Variants in ARHGAP5 observed in about 807,000 individuals in gnomAD.
ARHGAP5 encodes Rho GTPase activating protein 5.
A neutral mutation model predicts 116.6 loss-of-function variants in ARHGAP5; 23 were observed. The observed-to-expected ratio is 0.20, with a 90% CI of 0.14 to 0.28. The LOEUF is 0.28. Among genes scored for constraint, ARHGAP5 ranks in the 10% least tolerant of loss-of-function variants. The pLI is 1.00. For synonymous variants in ARHGAP5, 574 were observed against 602.0 expected (o/e 0.95, Z 0.68); for missense variants, 1,405 against 1,774.8 (o/e 0.79, Z 3.74).
intron 3 of ARHGAP5, among the ~76,000 whole-genome samples, chr14:32,130,579 C>T (rs771848361): frequency 2.0e-5 from 3 of 151,792 alleles, no homozygotes; most frequent in South Asian, 2.1e-4. Flanking sequence ...CTCGCTTTGT[C>T]GCCCAGTCTG....
chr14:32,137,021 A>T (rs1566680276), intron 3 of ARHGAP5, among the ~76,000 whole-genome samples: 1 of 151,706 alleles, frequency 6.6e-6, no homozygotes, highest in Non-Finnish European at 1.5e-5. Flanking sequence ...CCCATTCTGT[A>T]GGTTGTCTTT....
At position 32,154,927 on chromosome 14, in the gene ARHGAP5, G is replaced by A. The variant is rs751714464; in HGVS notation, c.4488G>A (p.Thr1496=). The change falls in exon 7 of 7, where the codon ACG becomes ACA. Residue 1496 remains threonine (T), a synonymous_variant. Transcript: ENST00000345122. ...QPQLIQPQLQ[T]DPLGII ...AGCTGATACAACCACAATTACAAAC[G>A]GATCCTCTTGGTATTATATGAGTAG... 41 of 1,613,380 alleles carry A rather than the reference G, an allele frequency of 2.5e-5. No homozygotes were observed. Among genetic ancestry groups the A allele is most frequent in the Admixed American group, 6.7e-5 (4 of 59,976 alleles).
intron 3 of ARHGAP5, among the ~76,000 whole-genome samples, chr14:32,120,786 T>C (rs1470561477): frequency 2.6e-5 from 4 of 152,074 alleles, no homozygotes; most frequent in South Asian, 2.1e-4. Context: ...TTTATTATAG[T>C]GTGAAGGGTT....
Position 32,091,194 on chromosome 14 carries a change from T to A in ARHGAP5, c.525T>A (p.Asp175Glu). ...VSQGCNRKFD[D>E]QLKFVNNLFV... ...AAGGATGCAATAGGAAGTTTGATGA[T>A]CAACTTAAATTTGTGAATAACCTTT... The change falls in exon 2 of 7, where the codon GAT becomes GAA. Residue 175 changes from aspartate (D) to glutamate (E), a missense_variant. By Grantham distance (45) the Asp-to-Glu change is conservative. Coordinates refer to ENST00000345122, the MANE Select transcript of ARHGAP5 (RefSeq NM_001030055.2). The A allele has an allele frequency of 6.2e-7, 1 of 1,613,326 alleles. No individual in the cohort carries two copies. The highest frequency in any genetic ancestry group is 8.5e-7 in the Non-Finnish European group (1 of 1,179,584).
chr14:32,097,724 G>A lies in ARHGAP5; in HGVS notation c.3717+3338G>A, dbSNP rs142488541. 4.0e-3 allele frequency among the ~76,000 whole-genome samples: 612 copies of A among 152,214 alleles called. 7 individuals carry two copies. The highest frequency in any genetic ancestry group is 0.014 in the African/African-American group (600 of 41,568). ...TCAATGTAAAGGCCAAAAAGGATTAGTATTACTAAAGTAGTATTTATCTAC... is the reference window on the plus strand; with the variant it reads ...TCAATGTAAAGGCCAAAAAGGATTAATATTACTAAAGTAGTATTTATCTAC... On this transcript the variant is annotated intron_variant, in intron 2 of 6. Transcript: ENST00000345122.
intron 1 of ARHGAP5, among the ~76,000 whole-genome samples, chr14:32,084,643 A>G (rs2041810899): frequency 2.0e-5 from 3 of 152,166 alleles, no homozygotes; most frequent in Non-Finnish European, 4.4e-5. Flanking sequence ...CACCACGTAA[A>G]TTGTTCAAAT....
intron 1 of ARHGAP5, 65 bp downstream of exon 1, chr14:32,077,500 C>T: frequency 3.0e-6 from 2 of 671,114 alleles, no homozygotes; most frequent in Non-Finnish European, 5.4e-6. Context: ...GACCCTCCTG[C>T]GGCTAGCTGC....
chr14:32,132,134 G>A (rs2139106428), intron 3 of ARHGAP5, among the ~76,000 whole-genome samples: 1 of 152,176 alleles, frequency 6.6e-6, no homozygotes, highest in Admixed American at 6.5e-5. Flanking sequence ...GGTATTTCTA[G>A]TTCTAGATCC....
At chr14:32,110,938 A>G (rs186014214) in intron 2 of ARHGAP5, among the ~76,000 whole-genome samples, 2 of 152,364 alleles carry the variant, frequency 1.3e-5, no homozygotes, top group Non-Finnish European at 1.5e-5. Flanking sequence ...GGCTGCAGAT[A>G]GATTACATTT....
At chr14:32,113,034 A>G (rs1402870052) in intron 2 of ARHGAP5, among the ~76,000 whole-genome samples, 1 of 152,198 alleles carries the variant, frequency 6.6e-6, no homozygotes, top group Non-Finnish European at 1.5e-5. Context: ...CTTTGATGGC[A>G]TTTTATAGCA....
chr14:32,135,602 T>G lies in ARHGAP5; in HGVS notation c.3866-10661T>G, dbSNP rs551448037. On this transcript the variant is annotated intron_variant, in intron 3 of 6. Coordinates refer to ENST00000345122, the MANE Select transcript of ARHGAP5 (RefSeq NM_001030055.2). ...CACACCCAGCTAATTTTTGTATTTT[T>G]AGTAGAGACAGGGTTTCACCATGTT... 5.3e-5 allele frequency among the ~76,000 whole-genome samples: 8 copies of G among 152,336 alleles called. No individual in the cohort carries two copies. In the East Asian group the frequency reaches 1.5e-3, roughly 29 times the overall value.
chr14:32,118,887 T>C (rs1483676242), intron 3 of ARHGAP5, among the ~76,000 whole-genome samples: 1 of 152,188 alleles, frequency 6.6e-6, no homozygotes, highest in East Asian at 1.9e-4. Context: ...TTAAAATTTC[T>C]ATTTCTTGAA....
At chr14:32,094,537 G>A (rs1281815837) in intron 2 of ARHGAP5, 151 bp downstream of exon 2, 1 of 539,570 alleles carries the variant, frequency 1.9e-6, no homozygotes, top group Non-Finnish European at 3.0e-6. Flanking sequence ...GTGGGGATAA[G>A]TGATTTTTTG....
At chr14:32,129,973 G>A (rs540822963) in intron 3 of ARHGAP5, among the ~76,000 whole-genome samples, 206 of 152,184 alleles carry the variant, frequency 1.4e-3, no homozygotes, top group African/African-American at 4.7e-3. Flanking sequence ...AGCCAAGGAA[G>A]GATTGCCTGA....
chr14:32,107,027 G>T (rs1879051984), intron 2 of ARHGAP5, among the ~76,000 whole-genome samples: 1 of 152,050 alleles, frequency 6.6e-6, no homozygotes, highest in South Asian at 2.1e-4. Context: ...TAGTTATTTT[G>T]ACATTTAATC....
At chr14:32,131,362 GAT>G (rs1340305709) in intron 3 of ARHGAP5, among the ~76,000 whole-genome samples, 1 of 149,036 alleles carries the variant, frequency 6.7e-6, no homozygotes, top group Admixed American at 6.8e-5. Context: ...TGTATTAAAA[GAT>G]ACATAACGTA....
At chr14:32,151,092 G>GTA (rs1389670508) in intron 5 of ARHGAP5, among the ~76,000 whole-genome samples, 2 of 152,028 alleles carry the variant, frequency 1.3e-5, no homozygotes, top group Non-Finnish European at 2.9e-5. Context: ...TTGTCACAAG[G>GTA]TATAGTTGCC....
chr14:32,146,253 A>T lies in ARHGAP5; in HGVS notation c.3866-10A>T. The T allele has an allele frequency of 6.3e-7, 1 of 1,597,212 alleles. No individual in the cohort carries two copies. The highest frequency in any genetic ancestry group is 8.6e-7 in the Non-Finnish European group (1 of 1,165,226). Reference sequence around the variant, plus strand: ...TTTATTAAAGTATGCATATTTCTTTATTCTCTTAGGGTTATGTACCGAAGG... The same window carrying T: ...TTTATTAAAGTATGCATATTTCTTTTTTCTCTTAGGGTTATGTACCGAAGG... On this transcript the variant is annotated splice_polypyrimidine_tract_variant and intron_variant, in intron 3 of 6. Transcript: ENST00000345122.
chr14:32,084,285 C>G (rs896887861), intron 1 of ARHGAP5, among the ~76,000 whole-genome samples: 3 of 152,122 alleles, frequency 2.0e-5, no homozygotes, highest in African/African-American at 7.2e-5. Flanking sequence ...CAGAGTACTG[C>G]CTACTTGGAC....
Sources: gnomAD v4.1 joint callset for allele counts (sites outside exome capture counted in the v4.1 genomes callset) on GRCh38, gnomAD v4.1.1 for gene constraint, MANE v1.5 for transcripts, NCBI Gene and HGNC (gene_info 2026-07-23, HGNC 2026-07-21) for gene names.